METTL24: variants seen among roughly 807,000 people sequenced by gnomAD.
METTL24 encodes the protein probable methyltransferase-like protein 24.
A neutral mutation model predicts 32.7 loss-of-function variants in METTL24; 29 were observed. That is an observed-to-expected ratio of 0.89 (90% CI 0.66 to 1.21). The LOEUF is 1.21. METTL24 is among the 50% of genes most tolerant of loss of function. The probability of loss-of-function intolerance (pLI) is 0.00; values close to 1 mark genes in which losing one functional copy is unlikely to be tolerated. For missense variants in METTL24, 439 were observed against 468.1 expected (o/e 0.94, Z 0.57); for synonymous variants, 163 against 179.5 (o/e 0.91, Z 0.73).
chr6:110,308,966 G>A (rs1015362768), intron 3 of METTL24, among the ~76,000 whole-genome samples: 4 of 152,178 alleles, frequency 2.6e-5, no homozygotes, highest in African/African-American at 2.4e-5. Context: ...GGAGAGAAGA[G>A]GGTTGGAGGG....
At chr6:110,326,394 G>A (rs570934841) in intron 1 of METTL24, among the ~76,000 whole-genome samples, 1 of 152,178 alleles carries the variant, frequency 6.6e-6, no homozygotes, top group Non-Finnish European at 1.5e-5. Flanking sequence ...ATTTCTGAAG[G>A]CTTCCATGTC....
chr6:110,281,608 C>T (rs548262782), intron 4 of METTL24, among the ~76,000 whole-genome samples: 17 of 151,170 alleles, frequency 1.1e-4, no homozygotes, highest in African/African-American at 4.1e-4. Context: ...TAGATCACAC[C>T]ACTGCACTCC....
chr6:110,295,408 C>A (rs2114728643), intron 4 of METTL24, among the ~76,000 whole-genome samples: 1 of 152,242 alleles, frequency 6.6e-6, no homozygotes, highest in East Asian at 1.9e-4. Flanking sequence ...GACACTGAGC[C>A]TTGGCCTGGG....
Position 110,346,418 on chromosome 6 carries a change from A to G in METTL24, c.318+11537T>C, listed in dbSNP as rs1772474474. On this transcript the variant is annotated intron_variant, in intron 1 of 4. Coordinates refer to ENST00000338882, the MANE Select transcript of METTL24 (RefSeq NM_001123364.3). ...TGCTATGGAGAAAACAGGAGACTAT[A>G]TTGGAGGAGTAGGGATAGGGAGCTA... Among the ~76,000 whole-genome samples, 5 of 152,050 alleles carry G rather than the reference A, an allele frequency of 3.3e-5. No individual in the cohort carries two copies. In the South Asian group the frequency reaches 8.3e-4, roughly 25 times the overall value.
chr6:110,265,149 GAAAGAAAGAAAGAAA>G (rs1562219856), intron 4 of METTL24, among the ~76,000 whole-genome samples: 1 of 100,658 alleles, frequency 9.9e-6, no homozygotes, highest in African/African-American at 4.1e-5. Flanking sequence ...AAGAAAGAAA[GAAAGAAAGAAAGAAA>G]GAAAGAAAGA....
intron 1 of METTL24, among the ~76,000 whole-genome samples, chr6:110,344,867 C>T (rs1278007901): frequency 6.6e-6 from 1 of 152,134 alleles, no homozygotes; most frequent in East Asian, 1.9e-4. Context: ...GACACAGGAA[C>T]GAGCAAAGAC....
In METTL24 at chr6:110,262,921, C is replaced by G. The variant is rs535849562; in HGVS notation, c.787-16661G>C. On this transcript the variant is annotated intron_variant, in intron 4 of 4. Coordinates refer to ENST00000338882, the MANE Select transcript of METTL24 (RefSeq NM_001123364.3). ...AAGGCCTTTGACAAAATTCAACAGC[C>G]CTTCATGCTAAAAACTCTCAATAAA... 8.5e-5 allele frequency among the ~76,000 whole-genome samples: 13 copies of G among 152,238 alleles called. No homozygotes were observed. In the South Asian group the frequency reaches 2.3e-3, roughly 27 times the overall value.
At position 110,245,934 on chromosome 6, in the gene METTL24, A is replaced by G. The variant is rs1442216437; in HGVS notation, c.*12T>C. The G allele has an allele frequency of 2.7e-5, 43 of 1,595,034 alleles. No homozygotes were observed. Among genetic ancestry groups the G allele is most frequent in the Non-Finnish European group, 3.7e-5 (43 of 1,170,112 alleles). On this transcript the variant is annotated 3_prime_UTR_variant, in exon 5 of 5. Transcript: ENST00000338882. Reference sequence around the variant, plus strand: ...CAAATATTTTCTTGTGCTCTTGATGACATCCTGCATCCTATTTCCATCTTG... The same window carrying G: ...CAAATATTTTCTTGTGCTCTTGATGGCATCCTGCATCCTATTTCCATCTTG...
intron 3 of METTL24, among the ~76,000 whole-genome samples, chr6:110,306,377 A>C (rs1252118616): frequency 1.3e-5 from 2 of 151,684 alleles, no homozygotes; most frequent in Non-Finnish European, 2.9e-5. Context: ...TTTTACCACT[A>C]GAAATTTTAG....
At chr6:110,287,620 C>CA (rs1771247925) in intron 4 of METTL24, among the ~76,000 whole-genome samples, 1 of 152,190 alleles carries the variant, frequency 6.6e-6, no homozygotes. Flanking sequence ...TCTGAAACAT[C>CA]AGGAGCTAAG....
At chr6:110,268,673 T>C (rs1303615524) in intron 4 of METTL24, among the ~76,000 whole-genome samples, 1 of 152,070 alleles carries the variant, frequency 6.6e-6, no homozygotes, top group Non-Finnish European at 1.5e-5. Flanking sequence ...TTTTTTAGAG[T>C]AATGACATTG....
chr6:110,334,334 G>A (rs961854143), intron 1 of METTL24, among the ~76,000 whole-genome samples: 10 of 152,164 alleles, frequency 6.6e-5, no homozygotes, highest in Non-Finnish European at 1.2e-4. Flanking sequence ...GTCAGCAAGC[G>A]CAGGAGAACA....
At chr6:110,323,074 G>A (rs906791303) in intron 1 of METTL24, among the ~76,000 whole-genome samples, 12 of 152,306 alleles carry the variant, frequency 7.9e-5, no homozygotes, top group South Asian at 6.2e-4. Context: ...GCCGGAGACA[G>A]CACAACTCCC....
intron 1 of METTL24, among the ~76,000 whole-genome samples, chr6:110,356,017 T>G (rs1017398385): frequency 6.6e-6 from 1 of 152,114 alleles, no homozygotes; most frequent in Non-Finnish European, 1.5e-5. Flanking sequence ...GAGTAATTAC[T>G]TGACAGATGA....
In METTL24 at chr6:110,358,086, CCGGCGCGGGCGGCA is replaced by C. The variant is rs1772735689; in HGVS notation, c.173_186del (p.Leu58ArgfsTer64). The C allele has an allele frequency of 1.0e-6, 1 of 998,028 alleles. No homozygotes were observed. Among genetic ancestry groups the C allele is most frequent in the African/African-American group, 1.7e-5 (1 of 57,152 alleles). The allele number at this position is 998,028 out of a possible 1,614,324, so 61.8% of individuals were successfully genotyped here. A position where few individuals can be genotyped will look rare whatever the true frequency, so the allele number is the denominator to read the frequency against. ...CTCCTGCTGGCGCCGCGCGGCTGGC[CCGGCGCGGGCGGCA>C]GGTGCGGCCCAGGTGGCCGCCAGGC... On this transcript the variant is annotated frameshift_variant, in exon 1 of 5. Coordinates refer to ENST00000338882, the MANE Select transcript of METTL24 (RefSeq NM_001123364.3). LOFTEE classifies it high-confidence loss of function.
At chr6:110,309,393 A>T (rs1385453861) in intron 3 of METTL24, among the ~76,000 whole-genome samples, 1 of 152,180 alleles carries the variant, frequency 6.6e-6, no homozygotes, top group Admixed American at 6.5e-5. Flanking sequence ...AACACTTATA[A>T]TTGTTATTTT....
Position 110,299,016 on chromosome 6 carries a change from T to A in METTL24, c.692A>T (p.Asp231Val). ...AACAGCTGGATGGGGATCCCGCCAG[T>A]CAATGGACAAGCGGTGATACCAAAG... ...QHLWYHRLSIDWRDPHPAVAA... is the reference protein window; with the variant it reads ...QHLWYHRLSIVWRDPHPAVAA... Residue 231 changes from aspartate to valine, a missense_variant, in exon 4 of 5, where the codon GAC becomes GTC. By Grantham distance (152) the Asp-to-Val change is radical. Coordinates refer to ENST00000338882, the MANE Select transcript of METTL24 (RefSeq NM_001123364.3). 1 of 1,614,198 alleles carries A rather than the reference T, an allele frequency of 6.2e-7. No individual in the cohort carries two copies. The highest frequency in any genetic ancestry group is 8.5e-7 in the Non-Finnish European group (1 of 1,180,030).
chr6:110,265,125 AAAGGAAAG>A (rs1322255129), intron 4 of METTL24, among the ~76,000 whole-genome samples: 4 of 142,640 alleles, frequency 2.8e-5, no homozygotes, highest in African/African-American at 1.0e-4. Context: ...GTATAATAAA[AAAGGAAAG>A]AAAGAAAGAA....
chr6:110,315,786 C>T (rs1407096347), intron 2 of METTL24, among the ~76,000 whole-genome samples: 2 of 152,072 alleles, frequency 1.3e-5, no homozygotes, highest in African/African-American at 4.8e-5. Flanking sequence ...GTGGGAGGAG[C>T]GGCTGTGTCA....
Sources: allele counts gnomAD v4.1 joint callset (sites outside exome capture counted in the v4.1 genomes callset), GRCh38; gene constraint gnomAD v4.1.1; transcripts MANE v1.5; gene names NCBI Gene and HGNC (gene_info 2026-07-23, HGNC 2026-07-21).